VWC2L: variants seen among roughly 807,000 people sequenced by gnomAD.
The protein encoded by VWC2L is von Willebrand factor C domain-containing protein 2-like.
A neutral mutation model predicts 21.6 loss-of-function variants in VWC2L; 10 were observed. The observed-to-expected ratio is 0.46, with a 90% confidence interval of 0.29 to 0.78. VWC2L has a LOEUF of 0.78. Ranked by LOEUF, VWC2L falls within the 30% of genes least tolerant of loss-of-function variation. VWC2L has a pLI of 0.10. For missense variants in VWC2L, 209 were observed against 277.1 expected, an observed-to-expected ratio of 0.75 and a Z score of 1.74; for synonymous variants, 96 against 94.3, an observed-to-expected ratio of 1.02 and a Z score of -0.10.
chr2:214,490,719 A>G (rs947432106), intron 3 of VWC2L, among the ~76,000 whole-genome samples: 2 of 152,192 alleles, frequency 1.3e-5, no homozygotes, highest in African/African-American at 4.8e-5. Flanking sequence ...AAGTTTACGA[A>G]AAAAAGAACC....
At chr2:214,451,308 T>TGG (rs59919240) in intron 3 of VWC2L, among the ~76,000 whole-genome samples, 1,910 of 111,598 alleles carry the variant, frequency 0.017, 38 homozygotes, top group Middle Eastern at 0.025. Context: ...TGGGTCGGTG[T>TGG]GGGGGGGGGG....
intron 3 of VWC2L, among the ~76,000 whole-genome samples, chr2:214,498,588 C>T (rs917036736): frequency 1.2e-4 from 18 of 150,996 alleles, no homozygotes; most frequent in Non-Finnish European, 2.4e-4. Flanking sequence ...GTGGGTGAAT[C>T]TTTTAATATG....
chr2:214,512,699 C>A (rs775627432), intron 3 of VWC2L, among the ~76,000 whole-genome samples: 9 of 151,200 alleles, frequency 6.0e-5, no homozygotes, highest in Non-Finnish European at 1.2e-4. Context: ...TTTCAACACC[C>A]AAGAATTTCA....
chr2:214,574,851 A>G (rs1450149069), intron 3 of VWC2L, among the ~76,000 whole-genome samples: 2 of 152,122 alleles, frequency 1.3e-5, no homozygotes, highest in Non-Finnish European at 2.9e-5. Flanking sequence ...ATGCAAGAAA[A>G]TAAGGGGAAA....
chr2:214,442,827 T>C (rs1702782545), intron 3 of VWC2L, among the ~76,000 whole-genome samples: 1 of 152,138 alleles, frequency 6.6e-6, no homozygotes, highest in Non-Finnish European at 1.5e-5. Flanking sequence ...TGCTTATGAT[T>C]ATTAATGGGG....
intron 3 of VWC2L, among the ~76,000 whole-genome samples, chr2:214,462,668 A>AT (rs199950224): frequency 0.097 from 14,737 of 152,106 alleles, 981 homozygotes; most frequent in Middle Eastern, 0.19. Flanking sequence ...TGATGTCTGT[A>AT]TTTTTTTAAC....
chr2:214,515,962 C>T (rs1245154322), intron 3 of VWC2L, among the ~76,000 whole-genome samples: 1 of 152,114 alleles, frequency 6.6e-6, no homozygotes, highest in African/African-American at 2.4e-5. Flanking sequence ...CTTTATGCTG[C>T]CTCAGAAAGT....
intron 3 of VWC2L, among the ~76,000 whole-genome samples, chr2:214,487,577 T>C (rs1688688046): frequency 1.3e-5 from 2 of 152,114 alleles, no homozygotes; most frequent in Non-Finnish European, 2.9e-5. Flanking sequence ...GGTAAGGCAT[T>C]CAAGAGGGAT....
chr2:214,556,429 C>G (rs1309398837), intron 3 of VWC2L, among the ~76,000 whole-genome samples: 1 of 152,102 alleles, frequency 6.6e-6, no homozygotes, highest in African/African-American at 2.4e-5. Flanking sequence ...GAGGGATTCC[C>G]TTAATATTGC....
At chr2:214,522,707 T>A (rs188976543) in intron 3 of VWC2L, among the ~76,000 whole-genome samples, 3 of 152,314 alleles carry the variant, frequency 2.0e-5, no homozygotes, top group East Asian at 1.9e-4. Flanking sequence ...ATAGATTTTT[T>A]AAAACATACT....
At chr2:214,527,909 T>C (rs567417585) in intron 3 of VWC2L, among the ~76,000 whole-genome samples, 12 of 152,290 alleles carry the variant, frequency 7.9e-5, no homozygotes, top group Middle Eastern at 3.4e-3. Context: ...TACTGCCCTA[T>C]ATTAAGTCTT....
chr2:214,557,634 T>C (rs1360078060), intron 3 of VWC2L, among the ~76,000 whole-genome samples: 1 of 152,190 alleles, frequency 6.6e-6, no homozygotes, highest in African/African-American at 2.4e-5. Context: ...CCCCAGTGAC[T>C]GTCTCAACCA....
At chr2:214,526,562 G>T (rs944825996) in intron 3 of VWC2L, among the ~76,000 whole-genome samples, 13 of 152,158 alleles carry the variant, frequency 8.5e-5, no homozygotes, top group African/African-American at 3.1e-4. Context: ...TTCAAACCTG[G>T]CTGAATTCCA....
chr2:214,568,610 T>TA (rs749239304), intron 3 of VWC2L, among the ~76,000 whole-genome samples: 11 of 152,126 alleles, frequency 7.2e-5, no homozygotes, highest in South Asian at 2.1e-4. Flanking sequence ...CTCCCTTTTT[T>TA]AAAACCATGA....
At chr2:214,522,265 C>T (rs963903831) in intron 3 of VWC2L, among the ~76,000 whole-genome samples, 1 of 151,316 alleles carries the variant, frequency 6.6e-6, no homozygotes, top group African/African-American at 2.4e-5. Context: ...GTCCCAGCTA[C>T]TCCGGAGGGT....
intron 3 of VWC2L, among the ~76,000 whole-genome samples, chr2:214,574,962 G>A (rs1690205646): frequency 1.3e-5 from 2 of 148,320 alleles, no homozygotes; most frequent in South Asian, 4.2e-4. Context: ...TTTTCAATAA[G>A]GCTTTTGAAT....
intron 3 of VWC2L, among the ~76,000 whole-genome samples, chr2:214,511,752 T>G (rs1574606851): frequency 1.3e-5 from 2 of 151,752 alleles, no homozygotes; most frequent in East Asian, 3.9e-4. Flanking sequence ...GTATATAATC[T>G]CATGAAACCC....
intron 3 of VWC2L, among the ~76,000 whole-genome samples, chr2:214,448,881 A>G (rs752452860): frequency 2.6e-5 from 4 of 152,184 alleles, no homozygotes; most frequent in Non-Finnish European, 5.9e-5. Flanking sequence ...AGAAGGTACC[A>G]TCAGCAAACA....
intron 3 of VWC2L, among the ~76,000 whole-genome samples, chr2:214,450,319 G>T (rs28664128): frequency 0.17 from 26,220 of 152,074 alleles, 2,373 homozygotes; most frequent in East Asian, 0.24. Context: ...CAGCCCCCTA[G>T]GCAGTGTCAT....
Sources: allele counts gnomAD v4.1 joint callset (sites outside exome capture counted in the v4.1 genomes callset), GRCh38; gene constraint gnomAD v4.1.1; transcripts MANE v1.5; gene names NCBI Gene and HGNC (gene_info 2026-07-23, HGNC 2026-07-21).